The following NAV1 variants were observed in gnomAD, a reference collection of about 807,000 sequenced individuals.
The protein encoded by NAV1 is pore membrane and/or filament interacting like protein 3.
NAV1 carries 18 observed loss-of-function variants against 175.2 expected under a neutral mutation model. The observed-to-expected ratio is 0.10, with a 90% CI of 0.07 to 0.15. The LOEUF (loss-of-function observed/expected upper bound fraction) is 0.15, where lower values mean the gene tolerates loss of function less well. Ranked by LOEUF, NAV1 falls within the 10% of genes least tolerant of loss-of-function variation. The pLI is 1.00. For missense variants in NAV1, 1,731 were observed against 2,436.6 expected, an observed-to-expected ratio of 0.71 and a Z score of 6.10; for synonymous variants, 897 against 978.7, an observed-to-expected ratio of 0.92 and a Z score of 1.56.
rs111599603 is a variant in NAV1, at chr1:201,740,992, C to T, written c.1226+22237C>T. 0.04 allele frequency among the ~76,000 whole-genome samples: 6,127 copies of T among 152,170 alleles called. 167 individuals carry two copies. Among genetic ancestry groups the T allele is most frequent in the Non-Finnish European group, 0.057 (3,843 of 67,962 alleles). On this transcript the variant is annotated intron_variant, in intron 3 of 29. Transcript: ENST00000367296. This position sits in a 1 kb window ranked among gnomAD's most constrained non-coding sequence, Gnocchi z 4.7. ...CACTCTCCTTCCCCTCAGCCTCCCGCAGACCTGGGAAGTTGGAGGTTGGGC... is the reference window on the plus strand; with the variant it reads ...CACTCTCCTTCCCCTCAGCCTCCCGTAGACCTGGGAAGTTGGAGGTTGGGC...
intron 3 of NAV1, 101 bp from the exon 8 acceptor site, chr1:201,780,320 C>T: frequency 7.0e-7 from 1 of 1,427,012 alleles, no homozygotes; most frequent in Non-Finnish European, 9.7e-7. Context: ...TTTGGCTAGC[C>T]TATATACTGG....
chr1:201,655,390 C>T (rs1267393225), intron 1 of NAV1, among the ~76,000 whole-genome samples: 3 of 152,246 alleles, frequency 2.0e-5, no homozygotes, highest in Non-Finnish European at 4.4e-5. Flanking sequence ...GTTTGGATTA[C>T]CCAGATGTGT....
chr1:201,678,478 A>G (rs1235152169), intron 1 of NAV1, among the ~76,000 whole-genome samples: 1 of 152,176 alleles, frequency 6.6e-6, no homozygotes, highest in African/African-American at 2.4e-5. Context: ...GGCACAGAGA[A>G]GGCAAGGACT....
chr1:201,788,347 T>A lies in NAV1; in HGVS notation c.2996-121T>A. The A allele has an allele frequency of 2.0e-6, 2 of 1,007,536 alleles. No individual in the cohort carries two copies. The highest frequency in any genetic ancestry group is 3.0e-6 in the Non-Finnish European group (2 of 659,618). The allele number at this position is 1,007,536 out of a possible 1,614,324, so 62.4% of individuals were successfully genotyped here. ...ACCTGCCCCTTCCTCTCCTGCCCTC[T>A]CCCCATTTGCCTCTCATGCTCCCGG... On this transcript the variant is annotated intron_variant, in intron 9 of 29. Coordinates refer to ENST00000367296, the Ensembl canonical transcript of NAV1. This position sits in a 1 kb window ranked among gnomAD's most constrained non-coding sequence, Gnocchi z 5.7.
chr1:201,542,624 G>A (rs550085965), intron 1 of NAV1, among the ~76,000 whole-genome samples: 9 of 152,206 alleles, frequency 5.9e-5, no homozygotes, highest in African/African-American at 2.2e-4. Context: ...GACGTGAAGC[G>A]AGGCAGGATG....
At chr1:201,820,809 T>G (rs1243062775) in exon 30 of NAV1, 1 of 148,770 alleles carries the variant, frequency 6.7e-6, no homozygotes, top group Non-Finnish European at 1.5e-5. Context: ...TTTATTTTTT[T>G]GTTTCCCTTT....
At chr1:201,628,341 C>G (rs2102291710) in intron 1 of NAV1, among the ~76,000 whole-genome samples, 1 of 152,196 alleles carries the variant, frequency 6.6e-6, no homozygotes, top group Non-Finnish European at 1.5e-5. Context: ...GCAGAAGCAG[C>G]AAACACCTCA....
chr1:201,825,110 G>A (rs1679601862), exon 30 of NAV1: 2 of 152,108 alleles, frequency 1.3e-5, no homozygotes, highest in African/African-American at 4.8e-5. Flanking sequence ...TTTTAACAAA[G>A]AAAGGTATGT....
intron 2 of NAV1, among the ~76,000 whole-genome samples, chr1:201,639,285 G>T (rs1478503449): frequency 1.3e-5 from 2 of 152,204 alleles, no homozygotes; most frequent in Admixed American, 1.3e-4. Context: ...AGATAGCAGA[G>T]GCCAGGGGAC....
intron 15 of NAV1, among the ~76,000 whole-genome samples, chr1:201,802,929 C>T (rs1462899586): frequency 1.3e-5 from 2 of 152,230 alleles, no homozygotes; most frequent in African/African-American, 4.8e-5. Flanking sequence ...CAAAGCAAAG[C>T]CAGTTCCCTG....
At chr1:201,635,634 C>T (rs944712827) in intron 2 of NAV1, among the ~76,000 whole-genome samples, 8 of 152,336 alleles carry the variant, frequency 5.3e-5, no homozygotes, top group South Asian at 2.1e-4. Flanking sequence ...CACCCCCCTT[C>T]GCCCTGAGTG....
chr1:201,549,144 T>TTTC (rs1665768915), intron 1 of NAV1, among the ~76,000 whole-genome samples: 1 of 133,228 alleles, frequency 7.5e-6, no homozygotes, highest in Admixed American at 8.0e-5. Flanking sequence ...TCTTTCTTTC[T>TTTC]TCTTTCTCTC....
In NAV1 at chr1:201,566,906, T is replaced by A. The variant is rs890114964; in HGVS notation, c.-143-21633T>A. Among the ~76,000 whole-genome samples, 5 of 152,172 alleles carry A rather than the reference T, an allele frequency of 3.3e-5. No homozygotes were observed. In the East Asian group the frequency reaches 5.8e-4, roughly 18 times the overall value. ...TATCTCAGATGTTTTTCTGTATCGA[T>A]CAAATCTCTGTACACATCATTTTAA... is the stretch of plus-strand genomic sequence containing the variant. On this transcript the variant is annotated intron_variant, in intron 1 of 33. Coordinates refer to the NAV1 transcript ENST00000685211.
intron 15 of NAV1, 140 bp downstream of exon 19, chr1:201,794,717 G>A (rs1293362406): frequency 3.8e-6 from 3 of 783,954 alleles, no homozygotes; most frequent in Non-Finnish European, 6.5e-6. Flanking sequence ...CCTTTAGTGT[G>A]ATGTCTGGAC....
exon 30 of NAV1, chr1:201,823,803 G>C (rs1679520554): frequency 6.6e-6 from 1 of 152,130 alleles, no homozygotes; most frequent in South Asian, 2.1e-4. Flanking sequence ...TTCACTTCTA[G>C]CTCTCTGAAA....
intron 1 of NAV1, among the ~76,000 whole-genome samples, chr1:201,665,794 T>TGCTGCTTG (rs1194266114): frequency 6.6e-6 from 1 of 151,946 alleles, no homozygotes; most frequent in Non-Finnish European, 1.5e-5. Context: ...GTAAACCTGC[T>TGCTGCTTG]GCTGCTTGGA....
rs1444130039 is a variant in NAV1, at chr1:201,694,445, T to A, written c.758-18372T>A. 1.3e-5 allele frequency among the ~76,000 whole-genome samples: 2 copies of A among 152,046 alleles called. No homozygotes were observed. The highest frequency in any genetic ancestry group is 2.9e-5 in the Non-Finnish European group (2 of 68,008). ...CTGGCTCATTAAAGATAGATGACCCTGGGGAGGGTGAGGGCCGGGGTCACC... is the reference window on the plus strand; with the variant it reads ...CTGGCTCATTAAAGATAGATGACCCAGGGGAGGGTGAGGGCCGGGGTCACC... On this transcript the variant is annotated intron_variant, in intron 1 of 29. Transcript: ENST00000367296. This position sits in a 1 kb window ranked among gnomAD's most constrained non-coding sequence, Gnocchi z 4.2.
intron 3 of NAV1, among the ~76,000 whole-genome samples, chr1:201,731,861 C>T (rs1409122494): frequency 6.6e-6 from 1 of 152,212 alleles, no homozygotes; most frequent in Non-Finnish European, 1.5e-5. Context: ...TATCATCTGG[C>T]TGTCACTGCC....
intron 1 of NAV1, among the ~76,000 whole-genome samples, chr1:201,554,898 G>T (rs1053428709): frequency 6.6e-6 from 1 of 152,160 alleles, no homozygotes; most frequent in East Asian, 1.9e-4. Context: ...AATTAGTGGA[G>T]AATTTTTCCT....
Sources: gnomAD v4.1 joint callset for allele counts (sites outside exome capture counted in the v4.1 genomes callset) on GRCh38, gnomAD v4.1.1 for gene constraint, Gnocchi (gnomAD v3.1) non-coding constraint, MANE v1.5 for transcripts, NCBI Gene and HGNC (gene_info 2026-07-23, HGNC 2026-07-21) for gene names.